The following NCKAP5 variants were observed in gnomAD, a reference collection of about 807,000 sequenced individuals.
NCKAP5 encodes NCK associated protein 5.
Under a neutral mutation model 167.0 loss-of-function variants are expected in NCKAP5, and 92 were observed. That is an observed-to-expected ratio of 0.55 (90% CI 0.47 to 0.66). The LOEUF (loss-of-function observed/expected upper bound fraction) is 0.66. Ranked by LOEUF, NCKAP5 falls within the 30% of genes least tolerant of loss-of-function variation. The pLI, the probability that NCKAP5 is intolerant of heterozygous loss-of-function variation, is 0.00. For synonymous variants in NCKAP5, 891 were observed against 877.4 expected (o/e 1.02, Z -0.27); for missense variants, 2,378 against 2,315.0 (o/e 1.03, Z -0.56).
chr2:133,085,640 A>C (rs759134687), intron 6 of NCKAP5, among the ~76,000 whole-genome samples: 6 of 152,164 alleles, frequency 3.9e-5, no homozygotes, highest in Non-Finnish European at 7.4e-5. Flanking sequence ...ATGCAGAATC[A>C]AATATGGCCT....
chr2:133,257,913 G>A (rs58102366), intron 4 of NCKAP5, among the ~76,000 whole-genome samples: 3,889 of 152,196 alleles, frequency 0.026, 149 homozygotes, highest in African/African-American at 0.084. Context: ...CCTGGGCCAC[G>A]CAAAGAACCA....
At chr2:132,878,322 A>ATTTCTC (rs1558890572) in intron 9 of NCKAP5, among the ~76,000 whole-genome samples, 1 of 151,636 alleles carries the variant, frequency 6.6e-6, no homozygotes, top group Non-Finnish European at 1.5e-5. Flanking sequence ...TTTCTTCCTC[A>ATTTCTC]TTTCTCTTTC....
chr2:133,576,330 G>T, the NCKAP5 span, among the ~76,000 whole-genome samples: 1 of 152,196 alleles, frequency 6.6e-6, no homozygotes, highest in Non-Finnish European at 1.5e-5. Context: ...AAAAATACAT[G>T]GGGTGTTCAC....
chr2:133,448,132 C>T (rs1170725161), intron 3 of NCKAP5, among the ~76,000 whole-genome samples: 2 of 152,008 alleles, frequency 1.3e-5, no homozygotes, highest in Admixed American at 1.3e-4. Context: ...TACTTTATTC[C>T]TCTGAAAATA....
At chr2:133,337,584 G>T (rs1316575546) in intron 3 of NCKAP5, among the ~76,000 whole-genome samples, 2 of 152,156 alleles carry the variant, frequency 1.3e-5, no homozygotes, top group Non-Finnish European at 2.9e-5. Flanking sequence ...CAATATGACT[G>T]GTATCCTTGT....
intron 19 of NCKAP5, among the ~76,000 whole-genome samples, chr2:132,701,545 C>T (rs1351349158): frequency 2.6e-5 from 4 of 152,156 alleles, no homozygotes; most frequent in African/African-American, 9.7e-5. Context: ...GCTGCTGCTG[C>T]TGCTATGTCC....
intron 3 of NCKAP5, among the ~76,000 whole-genome samples, chr2:133,356,698 A>G (rs1050459321): frequency 6.6e-6 from 1 of 152,232 alleles, no homozygotes; most frequent in South Asian, 2.1e-4. Context: ...CCAATACCCA[A>G]CAAGAAGAAA....
chr2:133,057,257 A>G (rs1319876380), intron 6 of NCKAP5, among the ~76,000 whole-genome samples: 1 of 152,224 alleles, frequency 6.6e-6, no homozygotes, highest in Admixed American at 6.5e-5. Flanking sequence ...TAATAACCCT[A>G]CAATAGCCTC....
At chr2:132,778,677 T>TA (rs1291208316) in intron 15 of NCKAP5, among the ~76,000 whole-genome samples, 1 of 152,212 alleles carries the variant, frequency 6.6e-6, no homozygotes, top group Non-Finnish European at 1.5e-5. Context: ...CAACACAGTT[T>TA]AAAATAAGCA....
chr2:132,974,615 G>A (rs760514691), intron 7 of NCKAP5, among the ~76,000 whole-genome samples: 14 of 152,138 alleles, frequency 9.2e-5, no homozygotes, highest in East Asian at 1.9e-4. Context: ...CCACAGACTC[G>A]GTGACCTCTT....
chr2:133,586,446 G>T, the NCKAP5 span, among the ~76,000 whole-genome samples: 2 of 152,128 alleles, frequency 1.3e-5, no homozygotes, highest in Non-Finnish European at 2.9e-5. Flanking sequence ...AGCCTCAGCT[G>T]CCTCTCTGAG....
intron 3 of NCKAP5, among the ~76,000 whole-genome samples, chr2:133,476,015 A>G (rs1476229165): frequency 1.4e-5 from 2 of 145,034 alleles, no homozygotes; most frequent in East Asian, 3.8e-4. Context: ...TGCCAGACAA[A>G]GAAGAAGTCA....
chr2:132,705,079 G>T (rs1428850013), intron 19 of NCKAP5, among the ~76,000 whole-genome samples: 1 of 152,002 alleles, frequency 6.6e-6, no homozygotes, highest in Admixed American at 6.6e-5. Context: ...TTCTGACAAG[G>T]TTCCATCCAT....
At chr2:133,105,451 A>C (rs761422488) in intron 6 of NCKAP5, among the ~76,000 whole-genome samples, 3 of 152,240 alleles carry the variant, frequency 2.0e-5, no homozygotes, top group Non-Finnish European at 4.4e-5. Flanking sequence ...TTTGCACTCA[A>C]ATCTATCCAA....
chr2:133,195,307 T>C (rs1359742750), intron 5 of NCKAP5, among the ~76,000 whole-genome samples: 1 of 152,142 alleles, frequency 6.6e-6, no homozygotes, highest in Non-Finnish European at 1.5e-5. Context: ...GATTATTAGG[T>C]GACACAGATT....
At chr2:132,992,354 G>A (rs2077473981) in intron 7 of NCKAP5, among the ~76,000 whole-genome samples, 1 of 152,186 alleles carries the variant, frequency 6.6e-6, no homozygotes, top group Non-Finnish European at 1.5e-5. Context: ...TGCTGATGAT[G>A]TTAAGTGTCT....
chr2:132,782,204 TC>T lies in NCKAP5; in HGVS notation c.4606del (p.Asp1536MetfsTer12). ...DISKTKVEKK[D>X]AKVLGFGNRQ... The stretch of plus-strand genomic sequence containing the variant: ...GTTTCCAAACCCCAAGACTTTTGCA[TC>T]TTTCTTTTCTACTTTGGTTTTGGAG... On this transcript the variant is annotated frameshift_variant, in exon 14 of 20. Coordinates refer to ENST00000409261, the MANE Select transcript of NCKAP5 (RefSeq NM_207363.3). LOFTEE classifies it high-confidence loss of function. 6.2e-7 allele frequency: 1 copy of T among 1,613,800 alleles called. No homozygotes were observed. Among genetic ancestry groups the T allele is most frequent in the East Asian group, 2.2e-5 (1 of 44,884 alleles).
At chr2:133,168,027 G>A (rs984638534) in intron 5 of NCKAP5, among the ~76,000 whole-genome samples, 11 of 151,988 alleles carry the variant, frequency 7.2e-5, no homozygotes, top group African/African-American at 1.2e-4. Flanking sequence ...TATTTTAAGC[G>A]CTTTATATGA....
At chr2:132,795,559 G>A (rs949532672) in intron 12 of NCKAP5, among the ~76,000 whole-genome samples, 8 of 152,028 alleles carry the variant, frequency 5.3e-5, no homozygotes, top group East Asian at 1.9e-4. Context: ...AGTGGCTCAT[G>A]CCTGTAATCC....
Sources: allele counts gnomAD v4.1 joint callset (sites outside exome capture counted in the v4.1 genomes callset), GRCh38; gene constraint gnomAD v4.1.1; transcripts MANE v1.5; gene names NCBI Gene and HGNC (gene_info 2026-07-23, HGNC 2026-07-21).